HSD3B2: variants seen among roughly 807,000 people sequenced by gnomAD.
The protein encoded by HSD3B2 is hydroxy-delta-5-steroid dehydrogenase, 3 beta- and steroid delta-isomerase 2, also known as 3 beta-hydroxysteroid dehydrogenase/Delta 5-->4-isomerase type 2.
In HSD3B2, 8 loss-of-function variants were observed where a neutral mutation model predicts 9.9. That is an observed-to-expected ratio of 0.81 (90% CI 0.47 to 1.46). The LOEUF (loss-of-function observed/expected upper bound fraction) is 1.46, where lower values mean the gene tolerates loss of function less well. Among genes scored for constraint, HSD3B2 ranks in the 40% most tolerant of loss-of-function variants. The pLI is 0.00. For synonymous variants in HSD3B2, 221 were observed against 184.5 expected, an observed-to-expected ratio of 1.20 and a Z score of -1.60; for missense variants, 410 against 448.3, an observed-to-expected ratio of 0.91 and a Z score of 0.77.
intron 3 of HSD3B2, 47 bp from the exon 4 acceptor site, chr1:119,421,762 T>A (rs1189121181): frequency 6.2e-7 from 1 of 1,607,396 alleles, no homozygotes. Flanking sequence ...TGGTTGCAGC[T>A]CCTTTGGGAT....
Position 119,415,431 on chromosome 1 carries a change from C to A in HSD3B2, c.12C>A (p.Ser4Arg). The A allele has an allele frequency of 6.2e-7, 1 of 1,613,936 alleles. No homozygotes were observed. The highest frequency in any genetic ancestry group is 1.1e-5 in the South Asian group (1 of 91,088). Reference protein sequence around the residue: MGWSCLVTGAGGLL... With the variant: MGWRCLVTGAGGLL... Reference sequence around the variant, plus strand: ...TTGGATTGGCCACGATGGGCTGGAGCTGCCTTGTGACAGGAGCAGGAGGGC... The same window carrying A: ...TTGGATTGGCCACGATGGGCTGGAGATGCCTTGTGACAGGAGCAGGAGGGC... Residue 4 changes from serine (S) to arginine (R), a missense_variant, in exon 2 of 4, where the codon AGC becomes AGA. Ser to Arg is a moderately radical substitution (Grantham distance 110). Coordinates refer to ENST00000369416, the MANE Select transcript of HSD3B2 (RefSeq NM_000198.4).
intron 2 of HSD3B2, among the ~76,000 whole-genome samples, chr1:119,418,476 C>A (rs754685495): frequency 6.6e-6 from 1 of 152,036 alleles, no homozygotes; most frequent in Non-Finnish European, 1.5e-5. Context: ...GACCCTGGTT[C>A]CAGTCCTCAT....
In HSD3B2 at chr1:119,422,123, A is replaced by G; in HGVS notation, c.622A>G (p.Asn208Asp). The change falls in exon 4 of 4, where the codon AAT becomes GAT. Residue 208 changes from asparagine (N) to aspartate (D), a missense_variant. By Grantham distance (23) the Asn-to-Asp change is conservative. Coordinates refer to ENST00000369416, the MANE Select transcript of HSD3B2 (RefSeq NM_000198.4). ...CAGTATAAATGAGGCCCTGAACAACAATGGGATCCTGTCAAGTGTTGGAAA... is the reference window on the plus strand; with the variant it reads ...CAGTATAAATGAGGCCCTGAACAACGATGGGATCCTGTCAAGTGTTGGAAA... ...SASINEALNN[N>D]GILSSVGKFS... is the part of the protein sequence containing the mutation. 6.2e-7 allele frequency: 1 copy of G among 1,614,096 alleles called. No homozygotes were observed. Among genetic ancestry groups the G allele is most frequent in the Non-Finnish European group, 8.5e-7 (1 of 1,179,994 alleles).
Position 119,415,318 on chromosome 1 carries a change from C to A in HSD3B2, c.-89-13C>A. On this transcript the variant is annotated splice_polypyrimidine_tract_variant and intron_variant, in intron 1 of 3. Transcript: ENST00000369416. ...TCTGCTGAGTGTATAACCATTTTACCTCTTGTTTTTAGCCCTCTTCTGGGT... is the reference window on the plus strand; with the variant it reads ...TCTGCTGAGTGTATAACCATTTTACATCTTGTTTTTAGCCCTCTTCTGGGT... The A allele has an allele frequency of 1.6e-6, 2 of 1,265,246 alleles. No individual in the cohort carries two copies. The allele number at this position is 1,265,246 out of a possible 1,614,324, so 78.4% of individuals were successfully genotyped here.
At chr1:119,416,121 G>A (rs1651701520) in intron 2 of HSD3B2, among the ~76,000 whole-genome samples, 1 of 152,094 alleles carries the variant, frequency 6.6e-6, no homozygotes, top group South Asian at 2.1e-4. Context: ...GAGAAAGACA[G>A]AGAATGAATG....
chr1:119,422,890 G>A lies in HSD3B2; in HGVS notation c.*270G>A. ...CAGTGGCTGATTCTGAACAATTGTG[G>A]TCTCTCTTAACTTGAGGTTCTCTTT... On this transcript the variant is annotated 3_prime_UTR_variant, in exon 4 of 4. Coordinates refer to ENST00000369416, the MANE Select transcript of HSD3B2 (RefSeq NM_000198.4). 1.8e-6 allele frequency: 1 copy of A among 554,464 alleles called. No homozygotes were observed. Among genetic ancestry groups the A allele is most frequent in the East Asian group, 3.1e-5 (1 of 32,712 alleles). The allele number at this position is 554,464 out of a possible 1,614,324, so 34.3% of individuals were successfully genotyped here.
chr1:119,418,795 G>A (rs1294304615), intron 2 of HSD3B2, among the ~76,000 whole-genome samples: 2 of 151,704 alleles, frequency 1.3e-5, no homozygotes, highest in Non-Finnish European at 2.9e-5. Context: ...GGGACTATAG[G>A]CACATACCAT....
Position 119,415,431 on chromosome 1 carries a change from C to G in HSD3B2, c.12C>G (p.Ser4Arg). 6.2e-7 allele frequency: 1 copy of G among 1,613,936 alleles called. No individual in the cohort carries two copies. Among genetic ancestry groups the G allele is most frequent in the East Asian group, 2.2e-5 (1 of 44,856 alleles). Residue 4 changes from serine to arginine, a missense_variant, in exon 2 of 4, where the codon AGC becomes AGG. By Grantham distance (110) the Ser-to-Arg change is moderately radical (BLOSUM62 -1). Transcript: ENST00000369416. MGWSCLVTGAGGLL... is the reference protein window; with the variant it reads MGWRCLVTGAGGLL... ...TTGGATTGGCCACGATGGGCTGGAG[C>G]TGCCTTGTGACAGGAGCAGGAGGGC...
chr1:119,415,537 C>G lies in HSD3B2; in HGVS notation c.118C>G (p.Pro40Ala). 1 of 1,613,770 alleles carries G rather than the reference C, an allele frequency of 6.2e-7. No individual in the cohort carries two copies. The highest frequency in any genetic ancestry group is 8.5e-7 in the Non-Finnish European group (1 of 1,179,814). The stretch of plus-strand genomic sequence containing the variant: ...CAGGGCCTTGGACAAGGCCTTCAGA[C>G]CAGAATTGAGAGAGGAATTTTCTAG... The part of the protein sequence containing the change: ...EIRALDKAFR[P>A]ELREEFSKLQ... The change falls in exon 2 of 4, where the codon CCA becomes GCA. Residue 40 changes from proline (P) to alanine (A), a missense_variant. Transcript: ENST00000369416.
chr1:119,421,477 G>GTATATATATATATTTATATATATGTA (rs372247413), intron 3 of HSD3B2, among the ~76,000 whole-genome samples: 1 of 49,850 alleles, frequency 2.0e-5, no homozygotes, highest in African/African-American at 9.7e-5. Context: ...ATATATATAT[G>GTATATATATATATTTATATATATGTA]TATATATATA....
intron 2 of HSD3B2, among the ~76,000 whole-genome samples, chr1:119,419,156 G>A (rs898331956): frequency 7.2e-5 from 11 of 151,986 alleles, no homozygotes; most frequent in Non-Finnish European, 1.0e-4. Flanking sequence ...TATATTTCAC[G>A]GATGTGTGAC....
At position 119,415,575 on chromosome 1, in the gene HSD3B2, A is replaced by T. The variant is rs1651682829; in HGVS notation, c.142+14A>T. 2 of 1,613,356 alleles carry T rather than the reference A, an allele frequency of 1.2e-6. No homozygotes were observed. Among genetic ancestry groups the T allele is most frequent in the Admixed American group, 1.7e-5 (1 of 59,974 alleles). Reference sequence around the variant, plus strand: ...AGGAATTTTCTAGTAAGTAAACTTGAGTCATGGGTCTGTGGCTCCATCTTA... The same window carrying T: ...AGGAATTTTCTAGTAAGTAAACTTGTGTCATGGGTCTGTGGCTCCATCTTA... On this transcript the variant is annotated intron_variant, in intron 2 of 3. Coordinates refer to ENST00000369416, the MANE Select transcript of HSD3B2 (RefSeq NM_000198.4).
intron 2 of HSD3B2, among the ~76,000 whole-genome samples, chr1:119,416,934 C>G (rs1651727144): frequency 6.6e-6 from 1 of 152,190 alleles, no homozygotes; most frequent in Non-Finnish European, 1.5e-5. Flanking sequence ...ATGCAGGGAG[C>G]ATAATGGATG....
chr1:119,422,016 A>C lies in HSD3B2; in HGVS notation c.515A>C (p.Asn172Thr). ...EKAVLAANGWNLKNGDTLYTC... is the reference protein window; with the variant it reads ...EKAVLAANGWTLKNGDTLYTC... ...GCTGTGCTGGCGGCTAATGGGTGGA[A>C]TCTAAAAAATGGTGATACCTTGTAC... The change falls in exon 4 of 4, where the codon AAT (asparagine) becomes ACT (threonine). Residue 172 changes from asparagine to threonine, a missense_variant. Coordinates refer to ENST00000369416, the MANE Select transcript of HSD3B2 (RefSeq NM_000198.4). 1 of 1,614,108 alleles carries C rather than the reference A, an allele frequency of 6.2e-7. No individual in the cohort carries two copies. Among genetic ancestry groups the C allele is most frequent in the Non-Finnish European group, 8.5e-7 (1 of 1,179,992 alleles).
chr1:119,421,716 T>TG lies in HSD3B2; in HGVS notation c.308-90dup, dbSNP rs199941359. 7.7e-3 allele frequency: 10,510 copies of TG among 1,372,028 alleles called. 70 individuals carry two copies. The highest frequency in any genetic ancestry group is 0.03 in the Middle Eastern group (139 of 4,630). 85.0% of individuals were successfully genotyped at this position (1,372,028 alleles called of 1,614,324 possible). ...CTGAGTCTGTTATAACCACTGCACT[T>TG]GGGAGTGGGGAGTGGGGCACATGGA... On this transcript the variant is annotated intron_variant, in intron 3 of 3. Coordinates refer to ENST00000369416, the MANE Select transcript of HSD3B2 (RefSeq NM_000198.4).
chr1:119,415,478 G>C lies in HSD3B2; in HGVS notation c.59G>C (p.Arg20Pro). ...GGGCTTCTGGGTCAGAGGATCGTCC[G>C]CCTGTTGGTGGAAGAGAAGGAACTG... ...AGGLLGQRIVRLLVEEKELKE... is the reference protein window; with the variant it reads ...AGGLLGQRIVPLLVEEKELKE... The change falls in exon 2 of 4, where the codon CGC becomes CCC. Residue 20 changes from arginine to proline, a missense_variant. Physicochemically the swap from Arg to Pro is moderately radical, Grantham distance 103. Coordinates refer to ENST00000369416, the MANE Select transcript of HSD3B2 (RefSeq NM_000198.4). 6.2e-7 allele frequency: 1 copy of C among 1,613,852 alleles called. No individual in the cohort carries two copies.
intron 3 of HSD3B2, 69 bp downstream of exon 3, chr1:119,419,651 G>A (rs1651806972): frequency 1.4e-6 from 2 of 1,480,898 alleles, no homozygotes; most frequent in African/African-American, 1.4e-5. Context: ...ACAAGAAAGG[G>A]AAGAGAAGTC....
At chr1:119,420,130 A>C (rs1486763919) in intron 3 of HSD3B2, among the ~76,000 whole-genome samples, 1 of 152,154 alleles carries the variant, frequency 6.6e-6, no homozygotes, top group Non-Finnish European at 1.5e-5. Flanking sequence ...GCCTTCCCAT[A>C]ATATTTTCTT....
At chr1:119,418,630 CTATTATTATTATTAT>C (rs5777392) in intron 2 of HSD3B2, among the ~76,000 whole-genome samples, 17 of 123,894 alleles carry the variant, frequency 1.4e-4, no homozygotes, top group South Asian at 5.3e-4. Context: ...ATTATTATTA[CTATTATTATTATTAT>C]TATTATTATT....
Sources: gnomAD v4.1 joint callset for allele counts (sites outside exome capture counted in the v4.1 genomes callset) on GRCh38, gnomAD v4.1.1 for gene constraint, MANE v1.5 for transcripts, NCBI Gene and HGNC (gene_info 2026-07-23, HGNC 2026-07-21) for gene names.